DNAH6: variants seen among roughly 807,000 people sequenced by gnomAD.
DNAH6 encodes the protein axonemal beta dynein heavy chain 6.
A neutral mutation model predicts 491.4 loss-of-function variants in DNAH6; 340 were observed. The observed-to-expected ratio is 0.69, with a 90% CI of 0.63 to 0.76. The LOEUF is 0.76. Among genes scored for constraint, DNAH6 ranks in the 30% least tolerant of loss-of-function variants. DNAH6 has a pLI of 0.00. For synonymous variants in DNAH6, 1,603 were observed against 1,686.1 expected, an observed-to-expected ratio of 0.95 and a Z score of 1.21; for missense variants, 4,443 against 4,972.2, an observed-to-expected ratio of 0.89 and a Z score of 3.20.
Position 84,791,314 on chromosome 2 carries a change from A to G in DNAH6, c.11239+4012A>G, listed in dbSNP as rs562403471. Among the ~76,000 whole-genome samples the G allele has an allele frequency of 5.9e-5, 9 of 152,254 alleles. No individual in the cohort carries two copies. The South Asian group carries it at 1.4e-3, about 25-fold the overall frequency. On this transcript the variant is annotated intron_variant, in intron 68 of 76. Coordinates refer to ENST00000389394, the MANE Select transcript of DNAH6 (RefSeq NM_001370.2). ...TAACTGGTGAATGGCTAAGTAAAAT[A>G]TGGCATATCCATAAATAGAATATTA...
At chr2:84,750,712 T>C (rs1178556191) in intron 63 of DNAH6, 1 of 152,126 alleles carries the variant, frequency 6.6e-6, no homozygotes, top group African/African-American at 2.4e-5. Context: ...AAATTTTCCA[T>C]AGTAAAAAAA....
At chr2:84,683,438 T>C (rs1427860764) in intron 42 of DNAH6, among the ~76,000 whole-genome samples, 53 of 92,502 alleles carry the variant, frequency 5.7e-4, no homozygotes, top group African/African-American at 1.7e-3. Context: ...TTTTTTTTTT[T>C]TGAGATAGAG....
rs1469234619 is a variant in DNAH6, at chr2:84,685,459, G to T, written c.7050G>T (p.Leu2350=). Residue 2350 remains leucine, a synonymous_variant, in exon 43 of 77, where the codon CTG becomes CTT. Coordinates refer to ENST00000389394, the MANE Select transcript of DNAH6 (RefSeq NM_001370.2). The part of the protein sequence containing the change: ...NEDKHYFHVI[L]TEMANKHFGI... ...ATAAGCACTATTTCCATGTTATTCT[G>T]ACAGAAATGGCCAGTAAATATGAAT... 1.3e-6 allele frequency: 2 copies of T among 1,483,296 alleles called. No individual in the cohort carries two copies. The highest frequency in any genetic ancestry group is 1.4e-5 in the South Asian group (1 of 69,596). 91.9% of individuals were successfully genotyped at this position (1,483,296 alleles called of 1,614,324 possible).
At position 84,544,264 on chromosome 2, in the gene DNAH6, G is replaced by A. The variant is rs1678553270; in HGVS notation, c.694G>A (p.Asp232Asn). ...AAGTTATGAGAACATCAATAAAAAT[G>A]ACTACTATACTATTAGCCAAAGGGC... is the stretch of plus-strand genomic sequence containing the variant. ...VVSYENINKN[D>N]YYTISQRAVT... is the part of the protein sequence containing the mutation. Residue 232 changes from aspartate (D) to asparagine (N), a missense_variant, in exon 5 of 77, where the codon GAC becomes AAC. Transcript: ENST00000389394. 1.3e-6 allele frequency: 2 copies of A among 1,484,512 alleles called. No homozygotes were observed. Among genetic ancestry groups the A allele is most frequent in the South Asian group, 2.5e-5 (2 of 78,800 alleles). 92.0% of individuals were successfully genotyped at this position (1,484,512 alleles called of 1,614,324 possible). A position where few individuals can be genotyped will look rare whatever the true frequency, so the allele number is the denominator to read the frequency against.
In DNAH6 at chr2:84,699,636, A is replaced by C. The variant is rs1034075035; in HGVS notation, c.7720A>C (p.Ile2574Leu). ...FISKVRQKLH[I>L]VLCMSPVGEA... is the part of the protein sequence containing the mutation. ...CAGCAAAGTGCGTCAGAAGCTGCAC[A>C]TTGTTCTCTGCATGAGCCCAGTTGG... is the stretch of plus-strand genomic sequence containing the variant. The change falls in exon 48 of 77, where the codon ATT becomes CTT. Residue 2574 changes from isoleucine to leucine, a missense_variant. Ile to Leu is a conservative substitution (Grantham distance 5). Around this residue, in one of 3 missense-constraint regions of DNAH6, gnomAD observed 2,977 missense variants for 3,296.6 expected, o/e 0.90. Coordinates refer to ENST00000389394, the MANE Select transcript of DNAH6 (RefSeq NM_001370.2). 3.2e-6 allele frequency: 5 copies of C among 1,551,740 alleles called. No individual in the cohort carries two copies. In the South Asian group the frequency reaches 3.6e-5, roughly 11 times the overall value.
At chr2:84,484,713 A>G in the DNAH6 span, among the ~76,000 whole-genome samples, 1 of 152,176 alleles carries the variant, frequency 6.6e-6, no homozygotes, top group Non-Finnish European at 1.5e-5. Context: ...GCCTACATGA[A>G]TAATCTGATA....
intron 21 of DNAH6, 88 bp downstream of exon 21, chr2:84,607,183 T>G: frequency 7.0e-6 from 9 of 1,287,984 alleles, no homozygotes; most frequent in Non-Finnish European, 9.6e-6. Context: ...ATTTAAATAT[T>G]ATATGGTTTT....
intron 70 of DNAH6, among the ~76,000 whole-genome samples, chr2:84,802,146 C>T (rs899983139): frequency 4.6e-5 from 7 of 152,294 alleles, no homozygotes; most frequent in African/African-American, 7.2e-5. Flanking sequence ...AAAGCAACTA[C>T]ACAATCGGGA....
Position 84,605,552 on chromosome 2 carries a change from C to A in DNAH6, c.3134C>A (p.Ser1045Tyr). The A allele has an allele frequency of 4.5e-6, 7 of 1,551,558 alleles. No individual in the cohort carries two copies. Among genetic ancestry groups the A allele is most frequent in the Non-Finnish European group, 5.2e-6 (6 of 1,146,936 alleles). ...TTTGTCATTCTGCCTCACCGTGACTCCAAAGATGTGTTTATACTGGGCGGC... is the reference window on the plus strand; with the variant it reads ...TTTGTCATTCTGCCTCACCGTGACTACAAAGATGTGTTTATACTGGGCGGC... ...TEFVILPHRD[S>Y]KDVFILGGTD... Residue 1045 changes from serine (S) to tyrosine (Y), a missense_variant, in exon 20 of 77, where the codon TCC (serine) becomes TAC (tyrosine). By Grantham distance (144) the Ser-to-Tyr change is moderately radical. Coordinates refer to ENST00000389394, the MANE Select transcript of DNAH6 (RefSeq NM_001370.2).
rs199722771 is a variant in DNAH6, at chr2:84,553,041, G to T, written c.1602+7G>T. 5.4e-5 allele frequency: 81 copies of T among 1,512,440 alleles called. No individual in the cohort carries two copies. Among genetic ancestry groups the T allele is most frequent in the Non-Finnish European group, 7.3e-5 (80 of 1,102,490 alleles). 93.7% of individuals were successfully genotyped at this position (1,512,440 alleles called of 1,614,324 possible). A position where few individuals can be genotyped will look rare whatever the true frequency, so the allele number is the denominator to read the frequency against. On this transcript the variant is annotated splice_region_variant and intron_variant, in intron 10 of 76. Coordinates refer to ENST00000389394, the MANE Select transcript of DNAH6 (RefSeq NM_001370.2). Reference sequence around the variant, plus strand: ...TTCTCTGGAAGACTTTCTGGTGTGTGTTTTTCATGTATTATCCACATGCAA... The same window carrying T: ...TTCTCTGGAAGACTTTCTGGTGTGTTTTTTTCATGTATTATCCACATGCAA...
the DNAH6 span, among the ~76,000 whole-genome samples, chr2:84,505,362 T>C: frequency 2.0e-5 from 3 of 152,174 alleles, no homozygotes; most frequent in Admixed American, 6.5e-5. Flanking sequence ...CTAATTTCCC[T>C]GGTTTGAAAT....
the DNAH6 span, among the ~76,000 whole-genome samples, chr2:84,460,993 G>A: frequency 4.1e-4 from 62 of 152,238 alleles, no homozygotes; most frequent in African/African-American, 1.4e-3. Flanking sequence ...TTGGAGGTCC[G>A]AAGAAACTCC....
chr2:84,568,360 A>C (rs1271662121), intron 11 of DNAH6, among the ~76,000 whole-genome samples: 1 of 152,344 alleles, frequency 6.6e-6, no homozygotes, highest in African/African-American at 2.4e-5. Context: ...AAAATGTGAT[A>C]TATATATACC....
the DNAH6 span, among the ~76,000 whole-genome samples, chr2:84,493,252 T>C: frequency 1.3e-5 from 2 of 152,118 alleles, no homozygotes; most frequent in Non-Finnish European, 2.9e-5. Flanking sequence ...GTACCATAAA[T>C]ATAGACTATA....
At chr2:84,506,360 G>A in the DNAH6 span, among the ~76,000 whole-genome samples, 1 of 152,194 alleles carries the variant, frequency 6.6e-6, no homozygotes, top group East Asian at 1.9e-4. Flanking sequence ...CTGCATAAAT[G>A]TCTTCTTTTG....
chr2:84,546,394 T>C (rs1405680346), intron 5 of DNAH6, among the ~76,000 whole-genome samples: 1 of 152,172 alleles, frequency 6.6e-6, no homozygotes, highest in African/African-American at 2.4e-5. Context: ...GTTTAGAAAA[T>C]AATGACCCAA....
intron 9 of DNAH6, among the ~76,000 whole-genome samples, chr2:84,550,348 T>C (rs1004939152): frequency 6.6e-6 from 1 of 152,078 alleles, no homozygotes; most frequent in Admixed American, 6.5e-5. Context: ...CAGTTCACAG[T>C]ACGGTTTGGG....
the DNAH6 span, among the ~76,000 whole-genome samples, chr2:84,460,746 C>G: frequency 2.2e-4 from 34 of 152,300 alleles, 1 homozygote; most frequent in African/African-American, 8.2e-4. Context: ...ATTTCAACCT[C>G]TTGTAATAAC....
intron 29 of DNAH6, 35 bp from the exon 30 acceptor site, chr2:84,634,469 C>A: frequency 6.7e-7 from 1 of 1,484,144 alleles, no homozygotes; most frequent in Non-Finnish European, 9.0e-7. Flanking sequence ...CTGAACTACA[C>A]AATACAAAGT....
Sources: allele counts gnomAD v4.1 joint callset (sites outside exome capture counted in the v4.1 genomes callset), GRCh38; gene constraint gnomAD v4.1.1; regional missense constraint gnomAD v4.1.1; transcripts MANE v1.5; gene names NCBI Gene and HGNC (gene_info 2026-07-23, HGNC 2026-07-21).